STRN3: variants seen among roughly 807,000 people sequenced by gnomAD.
STRN3 encodes striatin-3.
Under a neutral mutation model 95.6 loss-of-function variants are expected in STRN3, and 29 were observed. That is an observed-to-expected ratio of 0.30 (90% CI 0.23 to 0.41). The LOEUF (loss-of-function observed/expected upper bound fraction) is 0.41, where lower values mean the gene tolerates loss of function less well. Among genes scored for constraint, STRN3 ranks in the 10% least tolerant of loss-of-function variants. The probability of loss-of-function intolerance (pLI) is 1.00; values close to 1 mark genes in which losing one functional copy is unlikely to be tolerated. For missense variants in STRN3, 890 were observed against 972.1 expected (o/e 0.92, Z 1.12); for synonymous variants, 331 against 357.6 (o/e 0.93, Z 0.84).
chr14:30,911,801 G>C lies in STRN3; in HGVS notation c.1574C>G (p.Pro525Arg). Reference protein sequence around the residue: ...AKKSASLDVEPIYTFRAHIGP... With the variant: ...AKKSASLDVERIYTFRAHIGP... ...CATGTGGGCCCTAAATGTGTAGATA[G>C]GCTCTACATCTAAAGAGGCACTCCT... The change falls in exon 12 of 18, where the codon CCT becomes CGT. Residue 525 changes from proline (P) to arginine (R), a missense_variant. Pro to Arg is a moderately radical substitution (Grantham distance 103). Coordinates refer to ENST00000357479, the MANE Select transcript of STRN3 (RefSeq NM_001083893.2). 6.2e-7 allele frequency: 1 copy of C among 1,604,994 alleles called. No individual in the cohort carries two copies. Among genetic ancestry groups the C allele is most frequent in the Non-Finnish European group, 8.5e-7 (1 of 1,176,776 alleles).
chr14:30,897,910 T>C (rs1471563081), intron 16 of STRN3, among the ~76,000 whole-genome samples: 1 of 152,226 alleles, frequency 6.6e-6, no homozygotes, highest in South Asian at 2.1e-4. Context: ...GACAATACTT[T>C]CAAAATATTA....
chr14:31,015,842 AG>A (rs1883212691), intron 1 of STRN3, among the ~76,000 whole-genome samples: 1 of 152,190 alleles, frequency 6.6e-6, no homozygotes, highest in Admixed American at 6.5e-5. Context: ...TCTGTCACCC[AG>A]GCCGGAGTGC....
intron 1 of STRN3, among the ~76,000 whole-genome samples, chr14:31,000,717 A>G (rs2139288395): frequency 6.6e-6 from 1 of 152,328 alleles, no homozygotes; most frequent in African/African-American, 2.4e-5. Flanking sequence ...TCCTCTATAT[A>G]GCACTTAACA....
chr14:30,980,050 C>T (rs977964400), intron 1 of STRN3, among the ~76,000 whole-genome samples: 2 of 151,848 alleles, frequency 1.3e-5, no homozygotes, highest in African/African-American at 4.8e-5. Context: ...GGGTTCTAGA[C>T]CATCCTGGCC....
intron 12 of STRN3, among the ~76,000 whole-genome samples, chr14:30,911,473 T>C (rs1449588283): frequency 1.3e-5 from 2 of 152,030 alleles, no homozygotes; most frequent in Non-Finnish European, 2.9e-5. Context: ...AGCTAATTTT[T>C]GTATTTTGTG....
At chr14:30,947,690 C>T (rs1879432825) in intron 4 of STRN3, among the ~76,000 whole-genome samples, 1 of 152,072 alleles carries the variant, frequency 6.6e-6, no homozygotes, top group South Asian at 2.1e-4. Flanking sequence ...AGCACACAGA[C>T]ATACTAAGTT....
chr14:30,906,800 C>T (rs934494291), intron 14 of STRN3, 77 bp downstream of exon 14: 2 of 1,349,558 alleles, frequency 1.5e-6, no homozygotes, highest in South Asian at 1.5e-5. Flanking sequence ...TAAAGAAATA[C>T]ATCAATTACT....
At chr14:30,923,699 T>C (rs1896939917) in intron 8 of STRN3, among the ~76,000 whole-genome samples, 1 of 152,168 alleles carries the variant, frequency 6.6e-6, no homozygotes, top group Non-Finnish European at 1.5e-5. Flanking sequence ...ATAGGTATAA[T>C]ATAGCTTAAG....
chr14:31,006,038 G>C (rs1341980628), intron 1 of STRN3, among the ~76,000 whole-genome samples: 2 of 148,178 alleles, frequency 1.3e-5, no homozygotes, highest in African/African-American at 2.5e-5. Flanking sequence ...ACAATCTCTT[G>C]AACCTGGGAG....
chr14:31,017,755 T>C (rs1185177416), intron 1 of STRN3, among the ~76,000 whole-genome samples: 2 of 152,020 alleles, frequency 1.3e-5, no homozygotes, highest in Admixed American at 6.6e-5. Context: ...TGAGGGGCAG[T>C]GAGTGTATAC....
intron 1 of STRN3, among the ~76,000 whole-genome samples, chr14:30,976,532 T>C (rs751060598): frequency 1.5e-5 from 2 of 131,906 alleles, no homozygotes; most frequent in South Asian, 2.4e-4. Context: ...CTGGATCTAA[T>C]TGATCTACAC....
chr14:30,990,081 G>C (rs575984194), intron 1 of STRN3, among the ~76,000 whole-genome samples: 1 of 151,614 alleles, frequency 6.6e-6, no homozygotes, highest in East Asian at 1.9e-4. Context: ...AAAATCCCTG[G>C]GCCTAATGAC....
At chr14:30,961,470 G>A (rs935656033) in intron 1 of STRN3, among the ~76,000 whole-genome samples, 8 of 152,220 alleles carry the variant, frequency 5.3e-5, no homozygotes, top group East Asian at 1.9e-4. Context: ...TCTAGAAGTC[G>A]TAGCTATTGT....
intron 8 of STRN3, among the ~76,000 whole-genome samples, chr14:30,924,158 T>C (rs1896951728): frequency 6.9e-6 from 1 of 145,912 alleles, no homozygotes; most frequent in Non-Finnish European, 1.5e-5. Flanking sequence ...TGTTTAAATA[T>C]ATACTAATAT....
intron 15 of STRN3, 32 bp downstream of exon 15, chr14:30,905,386 T>A: frequency 1.3e-6 from 2 of 1,566,240 alleles, no homozygotes; most frequent in Non-Finnish European, 1.7e-6. Context: ...TAACCCTTTT[T>A]AAGGTTTCAA....
At chr14:30,902,171 CAAAAAAAAAAAAAAAAAAAAAAAA>C (rs71112350) in intron 16 of STRN3, among the ~76,000 whole-genome samples, 38 of 39,850 alleles carry the variant, frequency 9.5e-4, no homozygotes, top group Middle Eastern at 0.043. Flanking sequence ...AACTCCGCCT[CAAAAAAAAAAAAAAAAAAAAAAAA>C]AAAAAAAAAA....
At position 30,905,533 on chromosome 14, in the gene STRN3, G is replaced by C; in HGVS notation, c.1914C>G (p.Asp638Glu). 1 of 1,605,066 alleles carries C rather than the reference G, an allele frequency of 6.2e-7. No individual in the cohort carries two copies. Among genetic ancestry groups the C allele is most frequent in the African/African-American group, 1.3e-5 (1 of 74,708 alleles). The change falls in exon 15 of 18, where the codon GAC becomes GAG. Residue 638 changes from aspartate to glutamate, a missense_variant. Physicochemically the swap from Asp to Glu is conservative, Grantham distance 45 (BLOSUM62 2). This residue lies in a region of STRN3 where 357 missense variants were observed against 422.8 expected (regional missense o/e 0.84). Transcript: ENST00000357479. ...TATGAGCTGGATCACAGCCTATAAA[G>C]TCAACTGATGTAGGTATTCCATGCT... ...DKKHGIPTSVDFIGCDPAHMV... is the reference protein window; with the variant it reads ...DKKHGIPTSVEFIGCDPAHMV...
intron 1 of STRN3, among the ~76,000 whole-genome samples, chr14:30,989,522 G>A (rs532572709): frequency 2.0e-5 from 3 of 152,184 alleles, no homozygotes; most frequent in Admixed American, 6.5e-5. Context: ...GTGCAGTGGC[G>A]CAATCTCAAC....
Position 30,934,996 on chromosome 14 carries a change from T to C in STRN3, c.988+167A>G, listed in dbSNP as rs141234979. ...TATTAAATAGTTTAGTCACCAAATT[T>C]AAGTAAATTGGTACAAAATACCTTG... On this transcript the variant is annotated intron_variant, in intron 7 of 17. Coordinates refer to ENST00000357479, the MANE Select transcript of STRN3 (RefSeq NM_001083893.2). Among the ~76,000 whole-genome samples, 12 of 152,308 alleles carry C rather than the reference T, an allele frequency of 7.9e-5. No individual in the cohort carries two copies. The East Asian group carries it at 2.3e-3, about 29-fold the overall frequency.
Sources: allele counts gnomAD v4.1 joint callset (sites outside exome capture counted in the v4.1 genomes callset), GRCh38; gene constraint gnomAD v4.1.1; regional missense constraint gnomAD v4.1.1; transcripts MANE v1.5; gene names NCBI Gene and HGNC (gene_info 2026-07-23, HGNC 2026-07-21).